Variants in COL15A1 observed in about 807,000 individuals in gnomAD.
The protein encoded by COL15A1 is collagen alpha-1(XV) chain.
Under a neutral mutation model 165.9 loss-of-function variants are expected in COL15A1, and 111 were observed. The ratio of observed to expected loss-of-function variants is 0.67; its 90% CI spans 0.57 to 0.78. The LOEUF (loss-of-function observed/expected upper bound fraction) is 0.78, where lower values mean the gene tolerates loss of function less well. Ranked by LOEUF, COL15A1 falls within the 30% of genes least tolerant of loss-of-function variation. COL15A1 has a pLI of 0.00. For synonymous variants in COL15A1, 659 were observed against 674.8 expected (o/e 0.98, Z 0.36); for missense variants, 1,745 against 1,789.7 (o/e 0.98, Z 0.45).
chr9:99,008,976 A>C (rs370758434), intron 9 of COL15A1, among the ~76,000 whole-genome samples: 22 of 152,376 alleles, frequency 1.4e-4, no homozygotes, highest in African/African-American at 4.6e-4. Context: ...AACAAACAAA[A>C]AAAGGATCAG....
chr9:99,027,570 C>A (rs1839147839), intron 16 of COL15A1, among the ~76,000 whole-genome samples: 1 of 152,064 alleles, frequency 6.6e-6, no homozygotes, highest in Non-Finnish European at 1.5e-5. Context: ...ACACCCCTCC[C>A]ATACTCTGTC....
chr9:99,000,181 A>G (rs1838623391), intron 6 of COL15A1, among the ~76,000 whole-genome samples: 1 of 152,202 alleles, frequency 6.6e-6, no homozygotes. Context: ...AAATATATGC[A>G]TGTGGGAACA....
At chr9:98,990,639 GA>G (rs1838403522) in intron 5 of COL15A1, among the ~76,000 whole-genome samples, 1 of 152,256 alleles carries the variant, frequency 6.6e-6, no homozygotes, top group South Asian at 2.1e-4. Context: ...AGAGGGACAG[GA>G]AAGGAGAGTG....
intron 2 of COL15A1, among the ~76,000 whole-genome samples, chr9:98,968,138 C>T (rs1286369623): frequency 3.3e-5 from 5 of 152,172 alleles, no homozygotes; most frequent in African/African-American, 1.2e-4. Context: ...CCTCAACCTC[C>T]TCATCTATAA....
At chr9:99,019,504 T>A (rs1838992016) in intron 11 of COL15A1, among the ~76,000 whole-genome samples, 1 of 151,962 alleles carries the variant, frequency 6.6e-6, no homozygotes. Flanking sequence ...CGTGAGCCGC[T>A]GCACCCGTCC....
intron 2 of COL15A1, among the ~76,000 whole-genome samples, chr9:98,950,550 CCCTTCCTTCCTT>C (rs60753911): frequency 3.0e-4 from 20 of 66,924 alleles, no homozygotes; most frequent in African/African-American, 9.4e-4. Context: ...CCTTCCCTTC[CCCTTCCTTCCTT>C]CCTTCCTTCC....
At chr9:98,987,249 T>A in intron 3 of COL15A1, 45 bp from the exon 4 acceptor site, 2 of 1,565,478 alleles carry the variant, frequency 1.3e-6, no homozygotes, top group South Asian at 2.3e-5. Context: ...GCAGTCATGC[T>A]GTGTACGTGC....
At chr9:99,018,203 T>C (rs1838969910) in intron 11 of COL15A1, among the ~76,000 whole-genome samples, 1 of 152,222 alleles carries the variant, frequency 6.6e-6, no homozygotes, top group African/African-American at 2.4e-5. Flanking sequence ...TTCCAGTTTG[T>C]TTGACTCTGA....
intron 13 of COL15A1, 50 bp from the exon 14 acceptor site, chr9:99,023,307 T>G: frequency 6.4e-7 from 1 of 1,555,638 alleles, no homozygotes; most frequent in Non-Finnish European, 8.7e-7. Flanking sequence ...GTGGCTGTCC[T>G]TGGAGTCTGG....
rs1449478266 is a variant in COL15A1 at position 98,944,198 on chromosome 9, G to A, written c.48G>A (p.Leu16=). Residue 16 remains leucine, a synonymous_variant, in exon 2 of 42, where the codon CTG becomes CTA. Transcript: ENST00000375001. ...NNGQCWCLLM[L]LSVSTPLPAV... Reference sequence around the variant, plus strand: ...GGCAGTGCTGGTGTCTGCTGATGCTGCTCTCGGTCTCCACGCCCCTCCCTG... The same window carrying A: ...GGCAGTGCTGGTGTCTGCTGATGCTACTCTCGGTCTCCACGCCCCTCCCTG... 4 of 1,614,108 alleles carry A rather than the reference G, an allele frequency of 2.5e-6. No individual in the cohort carries two copies. The highest frequency in any genetic ancestry group is 3.4e-6 in the Non-Finnish European group (4 of 1,179,986).
chr9:99,019,204 G>T (rs1394843163), intron 11 of COL15A1, among the ~76,000 whole-genome samples: 1 of 152,058 alleles, frequency 6.6e-6, no homozygotes, highest in African/African-American at 2.4e-5. Flanking sequence ...TTCTGTTTTT[G>T]TTTTCTTGAG....
At chr9:99,046,917 G>A (rs997827581) in intron 26 of COL15A1, among the ~76,000 whole-genome samples, 4 of 152,160 alleles carry the variant, frequency 2.6e-5, no homozygotes, top group Non-Finnish European at 5.9e-5. Flanking sequence ...TTTACGTACT[G>A]ACCCTGTTTC....
At chr9:98,956,514 A>T (rs1837778744) in intron 2 of COL15A1, among the ~76,000 whole-genome samples, 1 of 152,176 alleles carries the variant, frequency 6.6e-6, no homozygotes, top group Admixed American at 6.5e-5. Flanking sequence ...TATACATTTT[A>T]TATGTACATT....
At chr9:99,017,431 G>A (rs938215276) in intron 11 of COL15A1, among the ~76,000 whole-genome samples, 1 of 152,178 alleles carries the variant, frequency 6.6e-6, no homozygotes, top group Non-Finnish European at 1.5e-5. Context: ...CCAGGAGTTC[G>A]AGGTTCTGCT....
intron 39 of COL15A1, among the ~76,000 whole-genome samples, chr9:99,064,801 G>C (rs569316920): frequency 1.3e-5 from 2 of 152,274 alleles, no homozygotes; most frequent in African/African-American, 4.8e-5. Flanking sequence ...AAGAGTCAGT[G>C]GGAAGTGAAG....
chr9:98,948,671 AG>A (rs1377910466), intron 2 of COL15A1, among the ~76,000 whole-genome samples: 5 of 151,256 alleles, frequency 3.3e-5, no homozygotes, highest in African/African-American at 7.3e-5. Flanking sequence ...TCCAATGGTC[AG>A]GGTTGAGCTG....
In COL15A1 at chr9:99,025,949, G is replaced by C; in HGVS notation, c.2026G>C (p.Gly676Arg). 1 of 1,611,954 alleles carries C rather than the reference G, an allele frequency of 6.2e-7. No homozygotes were observed. The highest frequency in any genetic ancestry group is 8.5e-7 in the Non-Finnish European group (1 of 1,179,112). The change falls in exon 16 of 42, where the codon GGG (glycine) becomes CGG (arginine). Residue 676 changes from glycine to arginine, a missense_variant. By Grantham distance (125) the Gly-to-Arg change is moderately radical. Transcript: ENST00000375001. ...AGTTGATGGAGCCACCGGCCTTCCC[G>C]GGATGAAAGGGGAGAAGGTACGGGG... The part of the protein sequence containing the change: ...PGVDGATGLP[G>R]MKGEKGARGP...
chr9:99,044,573 G>A lies in COL15A1; in HGVS notation c.2580G>A (p.Glu860=). 7 of 1,614,108 alleles carry A rather than the reference G, an allele frequency of 4.3e-6. No homozygotes were observed. The highest frequency in any genetic ancestry group is 5.9e-6 in the Non-Finnish European group (7 of 1,180,016). ...AGATGTTCTCTGAATTGCAGGGCGAGAAGGGAGAGCCGGGTGCCATCCTGA... is the reference window on the plus strand; with the variant it reads ...AGATGTTCTCTGAATTGCAGGGCGAAAAGGGAGAGCCGGGTGCCATCCTGA... The part of the protein sequence containing the change: ...GFPGLKGEQG[E]KGEPGAILTE... Residue 860 remains glutamate (E), a synonymous_variant, in exon 25 of 42, where the codon GAG becomes GAA. Transcript: ENST00000375001.
Position 99,056,281 on chromosome 9 carries a change from G to T in COL15A1, c.3214G>T (p.Val1072Phe), listed in dbSNP as rs778768993. 6.2e-6 allele frequency: 10 copies of T among 1,614,152 alleles called. No homozygotes were observed. The highest frequency in any genetic ancestry group is 5.3e-5 in the African/African-American group (4 of 75,068). The change falls in exon 35 of 42, where the codon GTT (valine) becomes TTT (phenylalanine). Residue 1072 changes from valine (V) to phenylalanine (F), a missense_variant. Val to Phe is a conservative substitution (Grantham distance 50). Transcript: ENST00000375001. ...ACAGGGCCAAAAAGGGGAGACAGTC[G>T]TTGGGCCCCAAGGACCCCCAGGTGC... is the stretch of plus-strand genomic sequence containing the variant. ...GPAGQKGETVVGPQGPPGAPG... is the reference protein window; with the variant it reads ...GPAGQKGETVFGPQGPPGAPG...
Sources: gnomAD v4.1 joint callset for allele counts (sites outside exome capture counted in the v4.1 genomes callset) on GRCh38, gnomAD v4.1.1 for gene constraint, MANE v1.5 for transcripts, NCBI Gene and HGNC (gene_info 2026-07-23, HGNC 2026-07-21) for gene names.